Variants in FGF12 observed in about 807,000 individuals in gnomAD.
FGF12 encodes fibroblast growth factor 12.
A neutral mutation model predicts 23.6 loss-of-function variants in FGF12; 14 were observed. The observed-to-expected ratio is 0.59, with a 90% CI of 0.39 to 0.93. The LOEUF is 0.93. Among genes scored for constraint, FGF12 ranks in the 40% least tolerant of loss-of-function variants. FGF12 has a pLI of 0.00. For synonymous variants in FGF12, 62 were observed against 77.3 expected (o/e 0.80, Z 1.04); for missense variants, 175 against 217.8 (o/e 0.80, Z 1.24).
At chr3:192,246,735 G>C (rs928663115) in intron 4 of FGF12, among the ~76,000 whole-genome samples, 2 of 150,540 alleles carry the variant, frequency 1.3e-5, no homozygotes, top group African/African-American at 4.9e-5. Context: ...TGAGGCAGGA[G>C]AATCGCTTGA....
Position 192,612,080 on chromosome 3 carries a change from A to C in FGF12, c.13+115101T>G, listed in dbSNP as rs140102306. ...GCTTCATGCCACCACATGACTCTCT[A>C]TATACCCATTTATCTTAGCCATGTA... is the stretch of plus-strand genomic sequence containing the variant. On this transcript the variant is annotated intron_variant, in intron 2 of 5. Transcript: ENST00000445105. 5.3e-3 allele frequency among the ~76,000 whole-genome samples: 809 copies of C among 152,102 alleles called. 4 individuals are homozygous for C. The highest frequency in any genetic ancestry group is 0.017 in the African/African-American group (713 of 41,540).
intron 5 of FGF12, among the ~76,000 whole-genome samples, chr3:192,164,644 CA>C (rs143857628): frequency 1.3e-5 from 2 of 151,478 alleles, no homozygotes; most frequent in Non-Finnish European, 2.9e-5. Flanking sequence ...AACCCAAAGC[CA>C]AAAAAAACCC....
At chr3:192,383,356 A>G (rs1004628559) in intron 2 of FGF12, among the ~76,000 whole-genome samples, 15 of 152,092 alleles carry the variant, frequency 9.9e-5, no homozygotes, top group African/African-American at 2.9e-4. Context: ...TGTTGTGTGT[A>G]CCCTTTATAA....
chr3:192,551,200 T>G (rs1454905149), intron 2 of FGF12, among the ~76,000 whole-genome samples: 1 of 152,170 alleles, frequency 6.6e-6, no homozygotes, highest in Non-Finnish European at 1.5e-5. Context: ...AACTCCAGCT[T>G]TCTACCCGGG....
chr3:192,216,389 A>T (rs1430806743), intron 4 of FGF12, among the ~76,000 whole-genome samples: 1 of 152,216 alleles, frequency 6.6e-6, no homozygotes, highest in Non-Finnish European at 1.5e-5. Context: ...CAAAATGGAA[A>T]TTATTTTTCC....
rs556666176 is a variant in FGF12 at position 192,257,043 on chromosome 3, C to T, written c.228+78318G>A. On this transcript the variant is annotated intron_variant, in intron 4 of 5. Coordinates refer to ENST00000445105, the MANE Select transcript of FGF12 (RefSeq NM_004113.6). Reference sequence around the variant, plus strand: ...TGCTCTCACAGACTAAATGTAAGATCCTACTAGTGTTTGGTTTTTGTAAAA... The same window carrying T: ...TGCTCTCACAGACTAAATGTAAGATTCTACTAGTGTTTGGTTTTTGTAAAA... 9.9e-5 allele frequency among the ~76,000 whole-genome samples: 15 copies of T among 152,242 alleles called. No individual in the cohort carries two copies. The East Asian group carries it at 2.7e-3, about 27-fold the overall frequency.
chr3:192,344,379 A>G (rs1220760989), intron 3 of FGF12, among the ~76,000 whole-genome samples: 1 of 152,090 alleles, frequency 6.6e-6, no homozygotes, highest in Non-Finnish European at 1.5e-5. Context: ...AAAAGCATGT[A>G]TTCCATCTTC....
rs533277248 is a variant in FGF12, at chr3:192,365,948, C to G, written c.14-5410G>C. ...GATGAATTTTAGACGTGGAAAGGAT[C>G]GACACTTTACTTCATTAGCTTCAAA... On this transcript the variant is annotated intron_variant, in intron 2 of 5. Coordinates refer to ENST00000445105, the MANE Select transcript of FGF12 (RefSeq NM_004113.6). Among the ~76,000 whole-genome samples the G allele has an allele frequency of 4.9e-4, 72 of 145,550 alleles. 1 individual carries two copies. Among genetic ancestry groups the G allele is most frequent in the Admixed American group, 1.9e-3 (27 of 14,372 alleles).
chr3:192,464,384 G>T (rs771550179), intron 2 of FGF12, among the ~76,000 whole-genome samples: 1 of 151,976 alleles, frequency 6.6e-6, no homozygotes, highest in Non-Finnish European at 1.5e-5. Flanking sequence ...GAGAACATAG[G>T]ATGTTTGGTT....
chr3:192,495,889 C>T (rs1298041267), intron 2 of FGF12, among the ~76,000 whole-genome samples: 2 of 152,092 alleles, frequency 1.3e-5, no homozygotes, highest in Non-Finnish European at 2.9e-5. Flanking sequence ...TCTCGAACTC[C>T]TGGGCTCCAG....
intron 4 of FGF12, among the ~76,000 whole-genome samples, chr3:192,272,353 T>A (rs1296938509): frequency 6.6e-6 from 1 of 152,168 alleles, no homozygotes; most frequent in African/African-American, 2.4e-5. Flanking sequence ...TATATTTTCA[T>A]ATTATCTGAT....
intron 4 of FGF12, among the ~76,000 whole-genome samples, chr3:192,246,057 A>G (rs776658194): frequency 1.3e-5 from 2 of 152,220 alleles, no homozygotes; most frequent in Non-Finnish European, 2.9e-5. Context: ...TTCTGTTTTT[A>G]ATAACATCAG....
intron 2 of FGF12, among the ~76,000 whole-genome samples, chr3:192,556,046 G>A (rs78114592): frequency 0.02 from 2,977 of 151,922 alleles, 49 homozygotes; most frequent in Admixed American, 0.032. Context: ...ATCAAAGCAT[G>A]TTGCTATTAA....
intron 4 of FGF12, among the ~76,000 whole-genome samples, chr3:192,294,438 G>A (rs569880275): frequency 1.3e-5 from 2 of 152,132 alleles, no homozygotes; most frequent in East Asian, 3.9e-4. Flanking sequence ...GAATGTAGGG[G>A]GGCACAAACA....
rs139639579 is a variant in FGF12 at position 192,280,109 on chromosome 3, T to C, written c.228+55252A>G. On this transcript the variant is annotated intron_variant, in intron 4 of 5. Transcript: ENST00000445105. ...TTCAAAGATCAAAGAAGCCTAAATG[T>C]GTTTTTTTAAAGAGAGTGTGATGGG... is the stretch of plus-strand genomic sequence containing the variant. Among the ~76,000 whole-genome samples the C allele has an allele frequency of 6.1e-3, 930 of 152,298 alleles. 4 individuals are homozygous for C. Among genetic ancestry groups the C allele is most frequent in the African/African-American group, 0.021 (888 of 41,562 alleles).
intron 3 of FGF12, among the ~76,000 whole-genome samples, chr3:192,337,143 T>C (rs1166769214): frequency 6.6e-6 from 1 of 152,158 alleles, no homozygotes; most frequent in Admixed American, 6.6e-5. Context: ...AGCTAAGACA[T>C]ATGGAATAAT....
intron 2 of FGF12, among the ~76,000 whole-genome samples, chr3:192,639,578 G>A (rs1331159340): frequency 6.6e-6 from 1 of 152,140 alleles, no homozygotes; most frequent in Non-Finnish European, 1.5e-5. Context: ...AATAGATAAG[G>A]AAACGGTGGT....
At chr3:192,465,823 C>A (rs1722994952) in intron 2 of FGF12, among the ~76,000 whole-genome samples, 1 of 152,148 alleles carries the variant, frequency 6.6e-6, no homozygotes, top group Non-Finnish European at 1.5e-5. Flanking sequence ...GAAAAGAGCA[C>A]CCTCAGTGCT....
chr3:192,676,709 A>G (rs932342356), intron 2 of FGF12, among the ~76,000 whole-genome samples: 5 of 152,186 alleles, frequency 3.3e-5, no homozygotes, highest in Non-Finnish European at 5.9e-5. Flanking sequence ...TCCTCAGAAA[A>G]TGGATATTTA....
Sources: allele counts gnomAD v4.1 joint callset (sites outside exome capture counted in the v4.1 genomes callset), GRCh38; gene constraint gnomAD v4.1.1; transcripts MANE v1.5; gene names NCBI Gene and HGNC (gene_info 2026-07-23, HGNC 2026-07-21).